The following SNCAIP variants were observed in gnomAD, a reference collection of about 807,000 sequenced individuals.
SNCAIP encodes the protein synuclein alpha interacting protein.
SNCAIP carries 43 observed loss-of-function variants against 86.7 expected under a neutral mutation model. That is an observed-to-expected ratio of 0.50 (90% CI 0.39 to 0.64). The LOEUF (loss-of-function observed/expected upper bound fraction) is 0.64. Ranked by LOEUF, SNCAIP falls within the 30% of genes least tolerant of loss-of-function variation. The pLI is 0.00. For synonymous variants in SNCAIP, 417 were observed against 427.2 expected, an observed-to-expected ratio of 0.98 and a Z score of 0.29; for missense variants, 981 against 1,103.1, an observed-to-expected ratio of 0.89 and a Z score of 1.57.
intron 3 of SNCAIP, 25 bp from the exon 4 acceptor site, chr5:122,422,843 T>C (rs1264297388): frequency 2.5e-6 from 4 of 1,601,044 alleles, no homozygotes; most frequent in African/African-American, 1.3e-5. Context: ...ATTAATAGCT[T>C]TCTATTTTAA....
rs78037205 is a variant in SNCAIP, at chr5:122,401,770, C to A, written c.58-2023C>A. ...CACCTAGGCTAGTGTCCGCCTGTAA[C>A]TCAGTTCCCACACCAGCCAGGTGCT... On this transcript the variant is annotated intron_variant, in intron 2 of 10. Transcript: ENST00000261368. 1.5e-3 allele frequency among the ~76,000 whole-genome samples: 228 copies of A among 152,334 alleles called. 1 individual carries two copies. Among genetic ancestry groups the A allele is most frequent in the African/African-American group, 5.0e-3 (207 of 41,584 alleles).
intron 1 of SNCAIP, among the ~76,000 whole-genome samples, chr5:122,340,164 CT>C (rs1350874471): frequency 6.6e-6 from 1 of 151,834 alleles, no homozygotes; most frequent in Non-Finnish European, 1.5e-5. Flanking sequence ...TTTTTTTTCC[CT>C]GTTGCACCTG....
intron 7 of SNCAIP, chr5:122,443,989 T>A (rs1781711122): frequency 2.3e-6 from 1 of 437,820 alleles, no homozygotes; most frequent in South Asian, 1.6e-5. Flanking sequence ...CTACAAAGCC[T>A]GCTCAATCCA....
chr5:122,351,536 C>CAGAAAAAAAAAA (rs1759795298), intron 1 of SNCAIP, among the ~76,000 whole-genome samples: 1 of 36,492 alleles, frequency 2.7e-5, no homozygotes, highest in African/African-American at 8.4e-5. Context: ...GACTCTGTAT[C>CAGAAAAAAAAAA]AAAAAAAAAA....
intron 1 of SNCAIP, among the ~76,000 whole-genome samples, chr5:122,320,821 C>A (rs1255418635): frequency 6.6e-6 from 1 of 152,190 alleles, no homozygotes; most frequent in Non-Finnish European, 1.5e-5. Flanking sequence ...CACTATAAAC[C>A]ACAAGCTGCT....
rs145226075 is a variant in SNCAIP at position 122,442,298 on chromosome 5, A to T, written c.1422+1544A>T. Among the ~76,000 whole-genome samples, 470 of 152,128 alleles carry T rather than the reference A, an allele frequency of 3.1e-3. 4 individuals are homozygous for T. The highest frequency in any genetic ancestry group is 0.011 in the African/African-American group (455 of 41,486). Reference sequence around the variant, plus strand: ...GAAGGTAGAGGAGACTTGGGAAATGACAGGAGAATATATGGGGAAACTATA... The same window carrying T: ...GAAGGTAGAGGAGACTTGGGAAATGTCAGGAGAATATATGGGGAAACTATA... On this transcript the variant is annotated intron_variant, in intron 7 of 10. Coordinates refer to ENST00000261368, the MANE Select transcript of SNCAIP (RefSeq NM_005460.4).
intron 1 of SNCAIP, among the ~76,000 whole-genome samples, chr5:122,360,812 A>G (rs1047312765): frequency 6.6e-6 from 1 of 152,108 alleles, no homozygotes; most frequent in African/African-American, 2.4e-5. Context: ...TTATTTTGTA[A>G]TTTCTCCATG....
intron 1 of SNCAIP, among the ~76,000 whole-genome samples, chr5:122,341,129 T>C (rs1265370033): frequency 6.6e-6 from 1 of 152,240 alleles, no homozygotes; most frequent in African/African-American, 2.4e-5. Context: ...CAGAAATTTC[T>C]ACTTTATGTC....
chr5:122,450,137 A>G (rs1309035286), intron 9 of SNCAIP, among the ~76,000 whole-genome samples, 200 bp downstream of exon 9: 1 of 152,192 alleles, frequency 6.6e-6, no homozygotes, highest in African/African-American at 2.4e-5. Context: ...TGATTCTGCT[A>G]TTTCTTCATT....
intron 1 of SNCAIP, among the ~76,000 whole-genome samples, chr5:122,334,646 T>G (rs1013549502): frequency 1.1e-4 from 16 of 152,216 alleles, no homozygotes; most frequent in Non-Finnish European, 1.5e-5. Context: ...GAAAGCATTT[T>G]AACAGCAAAG....
At chr5:122,339,331 CA>C (rs1757106851) in intron 1 of SNCAIP, among the ~76,000 whole-genome samples, 1 of 152,184 alleles carries the variant, frequency 6.6e-6, no homozygotes, top group Admixed American at 6.5e-5. Context: ...TTCCATTTTA[CA>C]CACATGGAAT....
intron 1 of SNCAIP, among the ~76,000 whole-genome samples, chr5:122,372,421 A>AC (rs1459201688): frequency 2.0e-5 from 3 of 152,144 alleles, no homozygotes; most frequent in Non-Finnish European, 4.4e-5. Flanking sequence ...CCATTACACC[A>AC]CTGGGCCAGG....
At chr5:122,391,054 T>C (rs968971658) in intron 1 of SNCAIP, 35 bp from the exon 2 acceptor site, 76 of 1,175,696 alleles carry the variant, frequency 6.5e-5, no homozygotes, top group Non-Finnish European at 9.1e-5. Context: ...CGGCTAAATT[T>C]TTTTGCCTTT....
intron 1 of SNCAIP, among the ~76,000 whole-genome samples, chr5:122,326,001 A>G (rs902858213): frequency 5.9e-5 from 9 of 152,202 alleles, no homozygotes; most frequent in Admixed American, 2.0e-4. Context: ...AAATTAAAAC[A>G]TAACCTAATT....
intron 3 of SNCAIP, among the ~76,000 whole-genome samples, chr5:122,416,344 T>C (rs1230832167): frequency 6.6e-6 from 1 of 152,174 alleles, no homozygotes; most frequent in Non-Finnish European, 1.5e-5. Context: ...TGCCCTAATG[T>C]GGATAGATCG....
intron 8 of SNCAIP, among the ~76,000 whole-genome samples, chr5:122,445,274 TC>T (rs1168826003): frequency 2.0e-5 from 3 of 152,228 alleles, no homozygotes; most frequent in Admixed American, 6.5e-5. Context: ...TAGTGCTCAG[TC>T]AGCATGAAGT....
intron 1 of SNCAIP, among the ~76,000 whole-genome samples, chr5:122,325,171 C>G (rs1753763239): frequency 6.6e-6 from 1 of 152,096 alleles, no homozygotes; most frequent in Admixed American, 6.6e-5. Flanking sequence ...AGTGGATTAT[C>G]AGATCCATTC....
chr5:122,388,333 G>A (rs1405136171), intron 1 of SNCAIP, among the ~76,000 whole-genome samples: 1 of 152,038 alleles, frequency 6.6e-6, no homozygotes, highest in South Asian at 2.1e-4. Flanking sequence ...CAGCTCACAG[G>A]CCTCCAATGC....
chr5:122,448,374 AC>A (rs1269043547), intron 8 of SNCAIP, among the ~76,000 whole-genome samples: 1 of 151,636 alleles, frequency 6.6e-6, no homozygotes, highest in African/African-American at 2.4e-5. Context: ...GGCAGAACAC[AC>A]CTGTAGTCCC....
Sources: allele counts gnomAD v4.1 joint callset (sites outside exome capture counted in the v4.1 genomes callset), GRCh38; gene constraint gnomAD v4.1.1; transcripts MANE v1.5; gene names NCBI Gene and HGNC (gene_info 2026-07-23, HGNC 2026-07-21).